TUFT1: variants seen among roughly 807,000 people sequenced by gnomAD.
TUFT1 encodes the protein tuftelin 1.
In TUFT1, 43 loss-of-function variants were observed where a neutral mutation model predicts 57.8. The observed-to-expected ratio is 0.74, with a 90% CI of 0.58 to 0.96. The LOEUF (loss-of-function observed/expected upper bound fraction) is 0.96, where lower values mean the gene tolerates loss of function less well. Ranked by LOEUF, TUFT1 falls within the 40% of genes least tolerant of loss-of-function variation. TUFT1 has a pLI of 0.00. For missense variants in TUFT1, 459 were observed against 489.0 expected, an observed-to-expected ratio of 0.94 and a Z score of 0.58; for synonymous variants, 166 against 176.7, an observed-to-expected ratio of 0.94 and a Z score of 0.48.
rs113093488 is a variant in TUFT1 at position 151,579,001 on chromosome 1, G to T, written c.924+175G>T. Among the ~76,000 whole-genome samples the T allele has an allele frequency of 3.3e-3, 495 of 152,290 alleles. 6 individuals carry two copies. The highest frequency in any genetic ancestry group is 0.011 in the African/African-American group (471 of 41,576). On this transcript the variant is annotated intron_variant, in intron 10 of 12. Coordinates refer to ENST00000368849, the MANE Select transcript of TUFT1 (RefSeq NM_020127.3). ...GCTTTTCTCCCATCTTTCCCCTACT[G>T]TTTTGTTTGTTTGTTTGCCATTTGG...
rs1207970270 is a variant in TUFT1, at chr1:151,578,690, A to G, written c.819-31A>G. On this transcript the variant is annotated intron_variant, in intron 9 of 12. Coordinates refer to ENST00000368849, the MANE Select transcript of TUFT1 (RefSeq NM_020127.3). ...CTGGGTAAATAAGTGATCTTGTTCC[A>G]TTGCCTCAGCCTTCTGGTCTTTATC... The G allele has an allele frequency of 4.6e-6, 7 of 1,527,854 alleles. No individual in the cohort carries two copies. In the East Asian group the frequency reaches 9.9e-5, roughly 22 times the overall value. 94.6% of individuals were successfully genotyped at this position (1,527,854 alleles called of 1,614,324 possible). A position where few individuals can be genotyped will look rare whatever the true frequency, so the allele number is the denominator to read the frequency against.
chr1:151,546,790 G>T (rs918989220), intron 1 of TUFT1, among the ~76,000 whole-genome samples: 1 of 152,146 alleles, frequency 6.6e-6, no homozygotes, highest in Non-Finnish European at 1.5e-5. Flanking sequence ...GGACATTTGG[G>T]TTCTTTCTAC....
rs770159306 is a variant in TUFT1 at position 151,581,657 on chromosome 1, A to G, written c.1123A>G (p.Lys375Glu). ...CCTTCTTTTCAGTATTAGGATATCCAAGCCGCCTAGCCCGAAGCCCATGCC... is the reference window on the plus strand; with the variant it reads ...CCTTCTTTTCAGTATTAGGATATCCGAGCCGCCTAGCCCGAAGCCCATGCC... ...TENPGSIRISKPPSPKPMPVI... is the reference protein window; with the variant it reads ...TENPGSIRISEPPSPKPMPVI... Residue 375 changes from lysine (K) to glutamate (E), a missense_variant, in exon 13 of 13, where the codon AAG (lysine) becomes GAG (glutamate). Transcript: ENST00000368849. The G allele has an allele frequency of 4.3e-6, 7 of 1,613,970 alleles. No homozygotes were observed. Among genetic ancestry groups the G allele is most frequent in the Non-Finnish European group, 5.1e-6 (6 of 1,180,022 alleles).
Position 151,578,574 on chromosome 1 carries a change from C to T in TUFT1, c.819-147C>T, listed in dbSNP as rs1666551757. The stretch of plus-strand genomic sequence containing the variant: ...TTCCAATGTGATATTCTAAGGTACC[C>T]ACCACCTACTCTTCAGAGCAGCCTA... On this transcript the variant is annotated intron_variant, in intron 9 of 12. Coordinates refer to ENST00000368849, the MANE Select transcript of TUFT1 (RefSeq NM_020127.3). The T allele has an allele frequency of 7.0e-6, 4 of 568,332 alleles. No individual in the cohort carries two copies. The Admixed American group carries it at 1.1e-4, about 16-fold the overall frequency. The allele number at this position is 568,332 out of a possible 1,614,324, so 35.2% of individuals were successfully genotyped here.
Position 151,562,596 on chromosome 1 carries a change from G to T in TUFT1, c.147G>T (p.Lys49Asn), listed in dbSNP as rs755425152. 3 of 1,612,150 alleles carry T rather than the reference G, an allele frequency of 1.9e-6. No individual in the cohort carries two copies. Among genetic ancestry groups the T allele is most frequent in the East Asian group, 2.2e-5 (1 of 44,864 alleles). ...LEHIAQKAGR[K>N]TYAMVSSHSA... ...CTCTCTTTGGCCAGGCGGGCAGGAAGACCTATGCCATGGTGTCCAGCCACT... is the reference window on the plus strand; with the variant it reads ...CTCTCTTTGGCCAGGCGGGCAGGAATACCTATGCCATGGTGTCCAGCCACT... The change falls in exon 3 of 13, where the codon AAG (lysine) becomes AAT (asparagine). Residue 49 changes from lysine to asparagine, a missense_variant. Transcript: ENST00000368849.
At position 151,569,834 on chromosome 1, in the gene TUFT1, GATGTCT is replaced by G; in HGVS notation, c.594+65_594+70del. 3 of 1,313,482 alleles carry G rather than the reference GATGTCT, an allele frequency of 2.3e-6. No homozygotes were observed. In the African/African-American group the frequency reaches 4.3e-5, roughly 19 times the overall value. The allele number at this position is 1,313,482 out of a possible 1,614,324, so 81.4% of individuals were successfully genotyped here. On this transcript the variant is annotated intron_variant, in intron 7 of 12. Coordinates refer to ENST00000368849, the MANE Select transcript of TUFT1 (RefSeq NM_020127.3). The stretch of plus-strand genomic sequence containing the variant: ...TGGGCTACTGAACACAGGTGCCAGT[GATGTCT>G]CAGCTTGGACTTCCTGTCTTTCTGG...
At chr1:151,564,641 T>A (rs377062657) in intron 5 of TUFT1, 27 bp downstream of exon 5, 1 of 1,592,580 alleles carries the variant, frequency 6.3e-7, no homozygotes, top group Non-Finnish European at 8.6e-7. Flanking sequence ...CATGGTTGGG[T>A]CCCCACCGAG....
intron 1 of TUFT1, among the ~76,000 whole-genome samples, chr1:151,544,204 C>T (rs1441183612): frequency 1.3e-5 from 2 of 152,090 alleles, no homozygotes; most frequent in Admixed American, 6.5e-5. Flanking sequence ...TAGTCTTGAA[C>T]TCCTGGTTTA....
Position 151,582,199 on chromosome 1 carries a change from C to T in TUFT1, c.*492C>T, listed in dbSNP as rs1044533259. The T allele has an allele frequency of 2.0e-5, 9 of 456,514 alleles. No homozygotes were observed. The Admixed American group carries it at 2.1e-4, about 11-fold the overall frequency. 28.3% of individuals were successfully genotyped at this position (456,514 alleles called of 1,614,324 possible). ...AAACTGTTTGTTTTTCTACTTGCTC[C>T]ATCTGCAGCCTACGCTGCCCTGGCC... On this transcript the variant is annotated 3_prime_UTR_variant, in exon 13 of 13. Coordinates refer to ENST00000368849, the MANE Select transcript of TUFT1 (RefSeq NM_020127.3).
chr1:151,545,820 G>T (rs200952491), intron 1 of TUFT1: 113 of 533,372 alleles, frequency 2.1e-4, no homozygotes, highest in South Asian at 1.6e-3. Context: ...TGCTAGTCCT[G>T]ACTCAGCCAG....
At chr1:151,572,228 AT>A (rs3838401) in intron 7 of TUFT1, among the ~76,000 whole-genome samples, 17 of 150,970 alleles carry the variant, frequency 1.1e-4, no homozygotes, top group African/African-American at 2.7e-4. Context: ...TACATAAATA[AT>A]TTTTTTTTTA....
chr1:151,574,379 G>T lies in TUFT1; in HGVS notation c.704G>T (p.Arg235Leu). The T allele has an allele frequency of 6.2e-7, 1 of 1,614,090 alleles. No individual in the cohort carries two copies. The highest frequency in any genetic ancestry group is 8.5e-7 in the Non-Finnish European group (1 of 1,180,008). ...KEAEVGELQR[R>L]LLGMETEHQA... ...GCAGAAGTCGGAGAGCTGCAGAGGC[G>T]CTTGCTAGGGATGGAGACGGTAACC... The change falls in exon 8 of 13, where the codon CGC becomes CTC. Residue 235 changes from arginine (R) to leucine (L), a missense_variant. Transcript: ENST00000368849.
intron 4 of TUFT1, 23 bp from the exon 5 acceptor site, chr1:151,564,500 CAA>C: frequency 2.5e-6 from 4 of 1,594,540 alleles, no homozygotes; most frequent in Non-Finnish European, 3.4e-6. Flanking sequence ...CCCTAAAGCT[CAA>C]GTTTCTTCCC....
intron 1 of TUFT1, among the ~76,000 whole-genome samples, chr1:151,550,807 A>G (rs1364784519): frequency 6.6e-6 from 1 of 152,208 alleles, no homozygotes; most frequent in Non-Finnish European, 1.5e-5. Context: ...GCACGCCTGT[A>G]GTCCAGCTGC....
At chr1:151,574,777 C>T (rs16833391) in intron 8 of TUFT1, 134 bp from the exon 9 acceptor site, 74,417 of 747,776 alleles carry the variant, frequency 0.1, 4,148 homozygotes, top group African/African-American at 0.14. Context: ...CCCATCAAAC[C>T]AGCTCATCTT....
In TUFT1 at chr1:151,562,693, T is replaced by G; in HGVS notation, c.237+7T>G. 6.2e-7 allele frequency: 1 copy of G among 1,610,464 alleles called. No individual in the cohort carries two copies. The highest frequency in any genetic ancestry group is 8.5e-7 in the Non-Finnish European group (1 of 1,177,448). On this transcript the variant is annotated splice_region_variant and intron_variant, in intron 3 of 12. Coordinates refer to ENST00000368849, the MANE Select transcript of TUFT1 (RefSeq NM_020127.3). ...ACATGAGGAGATCATTAAGGTAAGC[T>G]TAGTTCACCTCCAACTTTTCTCCCT...
intron 1 of TUFT1, chr1:151,561,875 G>C: frequency 6.6e-7 from 1 of 1,508,482 alleles, no homozygotes; most frequent in Non-Finnish European, 8.9e-7. Flanking sequence ...TGTTGTGAAA[G>C]AAAAAACTGT....
chr1:151,560,649 A>G (rs1018122231), intron 1 of TUFT1, among the ~76,000 whole-genome samples: 1 of 152,184 alleles, frequency 6.6e-6, no homozygotes, highest in Non-Finnish European at 1.5e-5. Flanking sequence ...GATCACTTTC[A>G]TTCTTGGATA....
chr1:151,577,259 A>G (rs2102556176), intron 9 of TUFT1, among the ~76,000 whole-genome samples: 1 of 152,280 alleles, frequency 6.6e-6, no homozygotes, highest in South Asian at 2.1e-4. Context: ...ATTATTGGCC[A>G]CTGGTGATTA....
Sources: gnomAD v4.1 joint callset for allele counts (sites outside exome capture counted in the v4.1 genomes callset) on GRCh38, gnomAD v4.1.1 for gene constraint, MANE v1.5 for transcripts, NCBI Gene and HGNC (gene_info 2026-07-23, HGNC 2026-07-21) for gene names.